The following SETBP1 variants were observed in gnomAD, a reference collection of about 807,000 sequenced individuals.
SETBP1 encodes the protein SET-binding protein.
Under a neutral mutation model 101.0 loss-of-function variants are expected in SETBP1, and 9 were observed. That is an observed-to-expected ratio of 0.09 (90% CI 0.05 to 0.16). The LOEUF (loss-of-function observed/expected upper bound fraction) is 0.16, where lower values mean the gene tolerates loss of function less well. Ranked by LOEUF, SETBP1 falls within the 10% of genes least tolerant of loss-of-function variation. The pLI is 1.00. For missense variants in SETBP1, 1,858 were observed against 2,033.8 expected (o/e 0.91, Z 1.66); for synonymous variants, 818 against 788.5 (o/e 1.04, Z -0.63).
intron 4 of SETBP1, among the ~76,000 whole-genome samples, chr18:44,972,525 A>G (rs983506343): frequency 2.6e-5 from 4 of 152,148 alleles, no homozygotes; most frequent in Admixed American, 6.5e-5. Flanking sequence ...ATGTTCTTCT[A>G]TTTGTTTGTA....
chr18:45,041,566 A>T (rs1175271835), intron 5 of SETBP1, among the ~76,000 whole-genome samples: 1 of 152,234 alleles, frequency 6.6e-6, no homozygotes, highest in African/African-American at 2.4e-5. Context: ...AAAAAAGGAC[A>T]GAAGAGTTAA....
chr18:44,976,882 A>G (rs2145217684), intron 4 of SETBP1, among the ~76,000 whole-genome samples: 2 of 152,308 alleles, frequency 1.3e-5, no homozygotes, highest in Middle Eastern at 3.4e-3. Flanking sequence ...ATGTATTTAT[A>G]TTTTATTATT....
intron 2 of SETBP1, among the ~76,000 whole-genome samples, chr18:44,720,806 T>C (rs546285723): frequency 1.3e-5 from 2 of 152,032 alleles, no homozygotes; most frequent in Admixed American, 6.5e-5. Flanking sequence ...GACTGCAGAG[T>C]TGACCTGGAA....
In SETBP1 at chr18:45,063,326, G is replaced by A. The variant is rs778886969; in HGVS notation, c.4419G>A (p.Pro1473=). ...QFDEDSRDQM[P]VLEKCIDLPS... ...ATGAGGACTCCAGAGACCAAATGCC[G>A]GTGCTGGAAAAATGCATCGACCTGC... Residue 1473 remains proline, a synonymous_variant, in exon 6 of 6, where the codon CCG becomes CCA. Coordinates refer to ENST00000649279, the MANE Select transcript of SETBP1 (RefSeq NM_015559.3). 1 of 1,597,786 alleles carries A rather than the reference G, an allele frequency of 6.3e-7. No homozygotes were observed. The highest frequency in any genetic ancestry group is 1.1e-5 in the South Asian group (1 of 88,712).
chr18:44,806,856 T>G (rs1414758300), intron 2 of SETBP1, among the ~76,000 whole-genome samples: 1 of 151,840 alleles, frequency 6.6e-6, no homozygotes, highest in African/African-American at 2.4e-5. Flanking sequence ...TGCTTTAACA[T>G]AGTGTCCTTA....
intron 4 of SETBP1, among the ~76,000 whole-genome samples, chr18:44,991,244 CAAAAAAAAAA>C (rs55811938): frequency 1.5e-5 from 1 of 68,212 alleles, no homozygotes; most frequent in Non-Finnish European, 2.8e-5. Flanking sequence ...CTGCATCTCA[CAAAAAAAAAA>C]AAAAAAAAAA....
At chr18:44,712,612 A>T (rs1006300033) in intron 2 of SETBP1, among the ~76,000 whole-genome samples, 1 of 152,076 alleles carries the variant, frequency 6.6e-6, no homozygotes, top group African/African-American at 2.4e-5. Context: ...TGGGTGTGTG[A>T]TTCTTCCTGT....
At chr18:44,800,894 A>G (rs1050573062) in intron 2 of SETBP1, among the ~76,000 whole-genome samples, 5 of 152,214 alleles carry the variant, frequency 3.3e-5, no homozygotes, top group African/African-American at 4.8e-5. Flanking sequence ...ATGTCCATCA[A>G]TGATAGACTG....
At chr18:44,959,036 A>G (rs1181970998) in intron 4 of SETBP1, among the ~76,000 whole-genome samples, 2 of 152,242 alleles carry the variant, frequency 1.3e-5, no homozygotes, top group Non-Finnish European at 2.9e-5. Context: ...CTACATTGAA[A>G]TCAGAAATGG....
chr18:44,778,464 C>A (rs2071053876), intron 2 of SETBP1, among the ~76,000 whole-genome samples: 1 of 152,192 alleles, frequency 6.6e-6, no homozygotes, highest in South Asian at 2.1e-4. Context: ...AAAGAACTGT[C>A]AAGTACCAAA....
chr18:44,885,077 G>A (rs1026698202), intron 3 of SETBP1, among the ~76,000 whole-genome samples: 1 of 152,046 alleles, frequency 6.6e-6, no homozygotes, highest in Admixed American at 6.6e-5. Flanking sequence ...TTGTCACTTT[G>A]AGCTAAAACC....
intron 5 of SETBP1, among the ~76,000 whole-genome samples, chr18:45,043,003 A>T (rs1368930252): frequency 6.6e-6 from 1 of 152,230 alleles, no homozygotes; most frequent in African/African-American, 2.4e-5. Flanking sequence ...TAAAAGCGCC[A>T]CTAAAGTTTG....
chr18:45,038,786 G>C (rs1467589685), intron 5 of SETBP1, 131 bp downstream of exon 5: 1 of 927,842 alleles, frequency 1.1e-6, no homozygotes, highest in Non-Finnish European at 1.7e-6. Flanking sequence ...CTGAACATGG[G>C]AGCCGTTTCA....
intron 2 of SETBP1, among the ~76,000 whole-genome samples, chr18:44,718,352 A>T (rs1223223518): frequency 3.3e-5 from 5 of 152,162 alleles, no homozygotes; most frequent in Non-Finnish European, 7.4e-5. Context: ...TTCAGAGCCC[A>T]GGGTCACCAA....
At chr18:44,851,126 A>T (rs1352569588) in intron 2 of SETBP1, among the ~76,000 whole-genome samples, 2 of 152,190 alleles carry the variant, frequency 1.3e-5, no homozygotes, top group African/African-American at 4.8e-5. Context: ...CATCATCATT[A>T]TCATTATCAT....
At chr18:45,025,053 A>G (rs2073138452) in intron 4 of SETBP1, among the ~76,000 whole-genome samples, 1 of 152,216 alleles carries the variant, frequency 6.6e-6, no homozygotes. Flanking sequence ...AATTTCCACT[A>G]ACAAGATAAC....
intron 3 of SETBP1, among the ~76,000 whole-genome samples, chr18:44,902,972 T>G (rs1470135556): frequency 6.6e-6 from 1 of 152,090 alleles, no homozygotes; most frequent in Non-Finnish European, 1.5e-5. Context: ...ACAATGAACA[T>G]CTATATACCT....
intron 2 of SETBP1, among the ~76,000 whole-genome samples, chr18:44,713,853 G>A (rs1006223107): frequency 2.0e-5 from 3 of 152,222 alleles, no homozygotes; most frequent in Non-Finnish European, 4.4e-5. Context: ...GCAGAGACGT[G>A]AATCGAATGT....
intron 5 of SETBP1, among the ~76,000 whole-genome samples, chr18:45,061,946 T>C (rs1373398692): frequency 6.6e-6 from 1 of 152,196 alleles, no homozygotes; most frequent in African/African-American, 2.4e-5. Context: ...ACACACTTCT[T>C]ATGTTTATAA....
Sources: allele counts gnomAD v4.1 joint callset (sites outside exome capture counted in the v4.1 genomes callset), GRCh38; gene constraint gnomAD v4.1.1; transcripts MANE v1.5; gene names NCBI Gene and HGNC (gene_info 2026-07-23, HGNC 2026-07-21).